Variants in RADX observed in about 807,000 individuals in gnomAD.
RADX encodes RPA-related protein RADX.
A neutral mutation model predicts 61.6 loss-of-function variants in RADX; 36 were observed. The ratio of observed to expected loss-of-function variants is 0.58; its 90% CI spans 0.45 to 0.77. RADX has a LOEUF of 0.77. RADX is among the 30% of genes least tolerant of loss of function. RADX has a pLI of 0.00. For missense variants in RADX, 497 were observed against 651.1 expected (o/e 0.76, Z 2.58); for synonymous variants, 272 against 237.9 (o/e 1.14, Z -1.32).
intron 11 of RADX, among the ~76,000 whole-genome samples, chrX:106,654,627 G>A (rs1270887838): frequency 8.1e-5 from 9 of 111,309 alleles, no homozygotes; most frequent in Admixed American, 7.7e-4. Context: ...AGACTTAAAC[G>A]TAAGACCTAA....
Position 106,639,547 on chromosome X carries a change from A to G in RADX, c.1594A>G (p.Ile532Val), listed in dbSNP as rs1021729178. The change falls in exon 9 of 14, where the codon ATA becomes GTA. Residue 532 changes from isoleucine to valine, a missense_variant. Transcript: ENST00000372548. Reference sequence around the variant, plus strand: ...TGCAGTTGAGTCGCTCTTGACAGCTATAAGTGAAGTCAGGAAGGAGATTGA... The same window carrying G: ...TGCAGTTGAGTCGCTCTTGACAGCTGTAAGTGAAGTCAGGAAGGAGATTGA... ...SIKVESLLTA[I>V]SEVRKEIEDL... 4 of 1,196,513 alleles carry G rather than the reference A, an allele frequency of 3.3e-6. No individual in the cohort carries two copies. Among genetic ancestry groups the G allele is most frequent in the East Asian group, 3.0e-5 (1 of 33,131 alleles).
At chrX:106,661,906 A>T in intron 11 of RADX, 109 bp from the exon 12 acceptor site, 4 of 617,612 alleles carry the variant, frequency 6.5e-6, no homozygotes, top group Non-Finnish European at 9.6e-6. Flanking sequence ...TTTGATTTTT[A>T]ATGTTACTTA....
chrX:106,656,531 T>C (rs1460608135), intron 11 of RADX, among the ~76,000 whole-genome samples: 1 of 112,109 alleles, frequency 8.9e-6, no homozygotes, highest in Non-Finnish European at 1.9e-5. Flanking sequence ...GGAATCACTA[T>C]GGTAGCTATA....
intron 11 of RADX, among the ~76,000 whole-genome samples, chrX:106,659,401 T>C (rs2147636640): frequency 8.9e-6 from 1 of 112,229 alleles, no homozygotes; most frequent in African/African-American, 3.2e-5. Context: ...AATGTAAATG[T>C]TCCTCATTAA....
chrX:106,653,370 A>C (rs1420785059), intron 11 of RADX, among the ~76,000 whole-genome samples: 1 of 110,762 alleles, frequency 9.0e-6, no homozygotes, highest in Non-Finnish European at 1.9e-5. Context: ...CTGTTCTAAA[A>C]TTCTTACACT....
chrX:106,648,197 C>T, intron 10 of RADX, 116 bp from the exon 11 acceptor site: 2 of 421,453 alleles, frequency 4.7e-6, no homozygotes, highest in Admixed American at 3.7e-5. Context: ...CAAACTTAAC[C>T]TGTATATTTT....
chrX:106,648,897 T>C (rs1407493917), intron 11 of RADX, among the ~76,000 whole-genome samples: 1 of 111,050 alleles, frequency 9.0e-6, no homozygotes, highest in Non-Finnish European at 1.9e-5. Context: ...TTGCTTTTGG[T>C]GTTATTTTGT....
At chrX:106,627,725 C>T (rs1323649316) in intron 3 of RADX, among the ~76,000 whole-genome samples, 1 of 111,620 alleles carries the variant, frequency 9.0e-6, no homozygotes, top group East Asian at 2.8e-4. Flanking sequence ...TGAAATAAGC[C>T]AGGCACAGAA....
At chrX:106,634,336 A>C (rs1267683503) in intron 6 of RADX, among the ~76,000 whole-genome samples, 1 of 110,925 alleles carries the variant, frequency 9.0e-6, no homozygotes, top group Non-Finnish European at 1.9e-5. Context: ...GGGTTTCACC[A>C]TGTTGGGCAG....
chrX:106,653,671 T>C (rs1314327470), intron 11 of RADX, among the ~76,000 whole-genome samples: 1 of 110,702 alleles, frequency 9.0e-6, no homozygotes, highest in Non-Finnish European at 1.9e-5. Flanking sequence ...TTTCTCCTAA[T>C]ACTATCCCTC....
chrX:106,667,215 T>C lies in RADX; in HGVS notation c.2270-1948T>C, dbSNP rs181622882. Among the ~76,000 whole-genome samples the C allele has an allele frequency of 6.2e-5, 7 of 112,069 alleles. No homozygotes were observed. The East Asian group carries it at 2.0e-3, about 31-fold the overall frequency. On this transcript the variant is annotated intron_variant, in intron 12 of 13. Transcript: ENST00000372548. ...CAGAAACTTGGGGGAGATGTAGTTATCTGGGGAAAAACCATTCTAGGCACA... is the reference window on the plus strand; with the variant it reads ...CAGAAACTTGGGGGAGATGTAGTTACCTGGGGAAAAACCATTCTAGGCACA...
Position 106,662,131 on chromosome X carries a change from A to G in RADX, c.2095A>G (p.Ser699Gly). The G allele has an allele frequency of 8.3e-7, 1 of 1,210,839 alleles. No individual in the cohort carries two copies. The highest frequency in any genetic ancestry group is 1.1e-6 in the Non-Finnish European group (1 of 895,015). ...TGGCTTAATAGATCACCTACACTACAGCCGTGTTTATCCTGAAAGTATTCC... is the reference window on the plus strand; with the variant it reads ...TGGCTTAATAGATCACCTACACTACGGCCGTGTTTATCCTGAAAGTATTCC... The part of the protein sequence containing the change: ...KFGLIDHLHY[S>G]RVYPESIPRK... Residue 699 changes from serine to glycine, a missense_variant, in exon 12 of 14, where the codon AGC becomes GGC. Ser to Gly is a moderately conservative substitution (Grantham distance 56). Coordinates refer to ENST00000372548, the MANE Select transcript of RADX (RefSeq NM_018015.6).
chrX:106,619,167 G>A (rs1258343663), intron 1 of RADX, among the ~76,000 whole-genome samples: 1 of 110,690 alleles, frequency 9.0e-6, no homozygotes, highest in Non-Finnish European at 1.9e-5. Context: ...TGGGTACATA[G>A]TAGGTGTAGA....
At chrX:106,627,307 G>A (rs781467407) in intron 3 of RADX, among the ~76,000 whole-genome samples, 2 of 111,557 alleles carry the variant, frequency 1.8e-5, no homozygotes, top group African/African-American at 3.3e-5. Flanking sequence ...GCATGAAACT[G>A]ACTAATGATC....
intron 11 of RADX, among the ~76,000 whole-genome samples, chrX:106,658,838 A>T (rs1436907660): frequency 8.9e-6 from 1 of 111,799 alleles, no homozygotes; most frequent in African/African-American, 3.3e-5. Flanking sequence ...ACAGTAACAC[A>T]AGGCATTACA....
intron 10 of RADX, among the ~76,000 whole-genome samples, chrX:106,645,417 T>C (rs1927631869): frequency 9.0e-6 from 1 of 111,317 alleles, no homozygotes; most frequent in South Asian, 3.7e-4. Flanking sequence ...TTACTACTGC[T>C]TTTGCTGTAT....
rs754033371 is a variant in RADX, at chrX:106,622,783, A to G, written c.776A>G (p.Glu259Gly). 8.7e-7 allele frequency: 1 copy of G among 1,154,506 alleles called. No homozygotes were observed. Among genetic ancestry groups the G allele is most frequent in the Admixed American group, 2.6e-5 (1 of 39,098 alleles). ...GGAAAACCTGATAAAAAGATGATTG[A>G]ACCATATCAGGTACAAGTAATAAGA... ...YYGKPDKKMIEPYQTFLEVAD... is the reference protein window; with the variant it reads ...YYGKPDKKMIGPYQTFLEVAD... Residue 259 changes from glutamate to glycine, a missense_variant, in exon 2 of 14, where the codon GAA becomes GGA. This residue lies in a region of RADX where 196 missense variants were observed against 315.0 expected (regional missense o/e 0.62). Transcript: ENST00000372548.
Position 106,612,221 on chromosome X carries a change from A to G in RADX, c.141A>G (p.Gln47=). 1 of 1,211,452 alleles carries G rather than the reference A, an allele frequency of 8.3e-7. No homozygotes were observed. Among genetic ancestry groups the G allele is most frequent in the Non-Finnish European group, 1.1e-6 (1 of 895,483 alleles). The part of the protein sequence containing the change: ...AGSQGPRSWI[Q]KVLEQIMDSP... ...CCCAAGGGCCCAGGTCCTGGATCCA[A>G]AAGGTTCTTGAGCAGATTATGGACT... The change falls in exon 1 of 14, where the codon CAA becomes CAG. Residue 47 remains glutamine (Q), a synonymous_variant. Coordinates refer to ENST00000372548, the MANE Select transcript of RADX (RefSeq NM_018015.6).
intron 2 of RADX, among the ~76,000 whole-genome samples, chrX:106,623,595 A>G (rs1004881557): frequency 3.6e-5 from 4 of 110,877 alleles, no homozygotes; most frequent in Non-Finnish European, 5.7e-5. Flanking sequence ...TCACATATAT[A>G]CACATATACA....
Sources: gnomAD v4.1 joint callset for allele counts (sites outside exome capture counted in the v4.1 genomes callset) on GRCh38, gnomAD v4.1.1 for gene constraint, gnomAD v4.1.1 regional missense constraint, MANE v1.5 for transcripts, NCBI Gene and HGNC (gene_info 2026-07-23, HGNC 2026-07-21) for gene names.